Variants in DCP2 observed in about 807,000 individuals in gnomAD.
DCP2 encodes decapping mRNA 2.
In DCP2, 30 loss-of-function variants were observed where a neutral mutation model predicts 56.1. That is an observed-to-expected ratio of 0.53 (90% CI 0.40 to 0.73). The LOEUF is 0.73. Among genes scored for constraint, DCP2 ranks in the 30% least tolerant of loss-of-function variants. The pLI is 0.00. For synonymous variants in DCP2, 197 were observed against 163.3 expected, an observed-to-expected ratio of 1.21 and a Z score of -1.57; for missense variants, 533 against 502.7, an observed-to-expected ratio of 1.06 and a Z score of -0.58.
At chr5:113,011,390 T>C (rs1427455479) in intron 10 of DCP2, among the ~76,000 whole-genome samples, 1 of 152,238 alleles carries the variant, frequency 6.6e-6, no homozygotes, top group Non-Finnish European at 1.5e-5. Context: ...ATTCGGAAAG[T>C]AATCCTGGTG....
rs1027030854 is a variant in DCP2 at position 113,013,800 on chromosome 5, A to T, written c.*316A>T. ...GAAAATAATGTATTGAGTTACTGTC[A>T]AGTAGCCAAGTTAATGGGAATGCTC... On this transcript the variant is annotated 3_prime_UTR_variant, in exon 11 of 11. Transcript: ENST00000389063. 4.7e-6 allele frequency: 1 copy of T among 211,758 alleles called. No homozygotes were observed. Among genetic ancestry groups the T allele is most frequent in the African/African-American group, 2.3e-5 (1 of 43,566 alleles). 13.1% of individuals were successfully genotyped at this position (211,758 alleles called of 1,614,324 possible). A position where few individuals can be genotyped will look rare whatever the true frequency, so the allele number is the denominator to read the frequency against.
rs189537898 is a variant in DCP2, at chr5:113,021,762, G to A, written c.*8278G>A. 6.6e-6 allele frequency among the ~76,000 whole-genome samples: 1 copy of A among 152,244 alleles called. No individual in the cohort carries two copies. Among genetic ancestry groups the A allele is most frequent in the East Asian group, 1.9e-4 (1 of 5,184 alleles). ...ACATTGTAATCTTTCTCTAACAGAT[G>A]TGTTGCAAAGCTGCTTGCCATCTTG... On this transcript the variant is annotated 3_prime_UTR_variant, in exon 11 of 11. Coordinates refer to ENST00000389063, the MANE Select transcript of DCP2 (RefSeq NM_152624.6).
At chr5:112,991,978 C>G (rs566969599) in intron 2 of DCP2, 143 bp from the exon 3 acceptor site, 6 of 1,224,278 alleles carry the variant, frequency 4.9e-6, no homozygotes, top group South Asian at 1.5e-5. Flanking sequence ...GCCATGGTGC[C>G]TGGCCAAAAT....
At chr5:112,988,516 AAATG>A (rs1748418184) in intron 2 of DCP2, among the ~76,000 whole-genome samples, 1 of 151,196 alleles carries the variant, frequency 6.6e-6, no homozygotes. Flanking sequence ...AAAAAAAAAA[AAATG>A]GTATCCAAGA....
At chr5:113,002,687 T>C (rs759564160) in intron 7 of DCP2, among the ~76,000 whole-genome samples, 62 of 152,072 alleles carry the variant, frequency 4.1e-4, no homozygotes, top group Middle Eastern at 6.8e-3. Context: ...GCCTGGCTAA[T>C]TTTTTCTTAT....
intron 3 of DCP2, 71 bp downstream of exon 3, chr5:112,992,319 TGTA>T: frequency 6.5e-7 from 1 of 1,539,044 alleles, no homozygotes; most frequent in Admixed American, 2.1e-5. Flanking sequence ...TTGTTATTGA[TGTA>T]GTGTTTCTAA....
chr5:113,009,170 T>C (rs1561704412), intron 9 of DCP2, among the ~76,000 whole-genome samples: 1 of 152,230 alleles, frequency 6.6e-6, no homozygotes, highest in African/African-American at 2.4e-5. Context: ...GATAATATTG[T>C]GCAAGTGTTA....
In DCP2 at chr5:113,020,459, A is replaced by G. The variant is rs1447722978; in HGVS notation, c.*6975A>G. 6.6e-6 allele frequency: 1 copy of G among 152,242 alleles called. No homozygotes were observed. The highest frequency in any genetic ancestry group is 1.5e-5 in the Non-Finnish European group (1 of 68,042). The allele number at this position is 152,242 out of a possible 1,614,324, so 9.4% of individuals were successfully genotyped here. The stretch of plus-strand genomic sequence containing the variant: ...AAATTGTCAAACATTTACTGATAGC[A>G]GAAAAGGAACCCCAAAACACCTGTA... On this transcript the variant is annotated 3_prime_UTR_variant, in exon 11 of 11. Coordinates refer to ENST00000389063, the MANE Select transcript of DCP2 (RefSeq NM_152624.6).
intron 1 of DCP2, among the ~76,000 whole-genome samples, 155 bp downstream of exon 1, chr5:112,977,141 G>C (rs1163254065): frequency 6.6e-6 from 1 of 152,014 alleles, no homozygotes; most frequent in East Asian, 1.9e-4. Context: ...GCTCTCCGAC[G>C]ACACCGCCCC....
chr5:112,996,026 C>T (rs975456182), intron 4 of DCP2, among the ~76,000 whole-genome samples: 4 of 152,194 alleles, frequency 2.6e-5, no homozygotes, highest in Non-Finnish European at 4.4e-5. Context: ...GGGCCCTGCC[C>T]TTATGGATCT....
At chr5:113,003,083 A>G (rs780962244) in intron 7 of DCP2, among the ~76,000 whole-genome samples, 1 of 152,138 alleles carries the variant, frequency 6.6e-6, no homozygotes, top group Non-Finnish European at 1.5e-5. Context: ...TCCATTTTAG[A>G]TGGATATTCT....
At chr5:113,002,695 T>C (rs1365483480) in intron 7 of DCP2, among the ~76,000 whole-genome samples, 5 of 151,912 alleles carry the variant, frequency 3.3e-5, no homozygotes, top group Admixed American at 2.6e-4. Flanking sequence ...AATTTTTTCT[T>C]ATTTTTTGTA....
At chr5:112,997,890 G>T (rs1477109223) in intron 4 of DCP2, among the ~76,000 whole-genome samples, 1 of 152,090 alleles carries the variant, frequency 6.6e-6, no homozygotes, top group Non-Finnish European at 1.5e-5. Flanking sequence ...TGGGATTACA[G>T]GTGTGAGCCA....
rs1750002824 is a variant in DCP2, at chr5:113,019,001, G to A, written c.*5517G>A. 6.6e-6 allele frequency: 1 copy of A among 152,232 alleles called. No individual in the cohort carries two copies. Among genetic ancestry groups the A allele is most frequent in the South Asian group, 2.1e-4 (1 of 4,832 alleles). 9.4% of individuals were successfully genotyped at this position (152,232 alleles called of 1,614,324 possible). A position where few individuals can be genotyped will look rare whatever the true frequency, so the allele number is the denominator to read the frequency against. On this transcript the variant is annotated 3_prime_UTR_variant, in exon 11 of 11. Coordinates refer to ENST00000389063, the MANE Select transcript of DCP2 (RefSeq NM_152624.6). ...AACAACAGACTTGTGTGTGGTTCTA[G>A]AGTGAAATGGGCAGTGTTCTGCTGG...
At chr5:112,978,179 C>T (rs1747813605) in intron 1 of DCP2, among the ~76,000 whole-genome samples, 1 of 151,996 alleles carries the variant, frequency 6.6e-6, no homozygotes, top group South Asian at 2.1e-4. Flanking sequence ...ATTTCACCAT[C>T]TTGGCCGTGC....
In DCP2 at chr5:113,018,418, T is replaced by A. The variant is rs1749977762; in HGVS notation, c.*4934T>A. On this transcript the variant is annotated 3_prime_UTR_variant, in exon 11 of 11. Coordinates refer to ENST00000389063, the MANE Select transcript of DCP2 (RefSeq NM_152624.6). The stretch of plus-strand genomic sequence containing the variant: ...GCAGAGGAGTATGGTCTAGCTATGT[T>A]AGCAGCTTGAAGGCACAACGTAAAA... The A allele has an allele frequency of 6.6e-6, 1 of 152,254 alleles. No homozygotes were observed. The highest frequency in any genetic ancestry group is 1.5e-5 in the Non-Finnish European group (1 of 68,042). The allele number at this position is 152,254 out of a possible 1,614,324, so 9.4% of individuals were successfully genotyped here. A position where few individuals can be genotyped will look rare whatever the true frequency, so the allele number is the denominator to read the frequency against.
At chr5:113,001,034 A>C in intron 4 of DCP2, 50 bp from the exon 5 acceptor site, 3 of 1,507,796 alleles carry the variant, frequency 2.0e-6, no homozygotes, top group African/African-American at 1.4e-5. Context: ...TTAATGAACT[A>C]GAGGCCTAAG....
chr5:113,003,460 C>T (rs914152811), intron 7 of DCP2, among the ~76,000 whole-genome samples: 2 of 152,006 alleles, frequency 1.3e-5, no homozygotes, highest in Non-Finnish European at 2.9e-5. Flanking sequence ...TCTGTAGTCT[C>T]AGCAACTTGG....
At chr5:112,987,620 C>CTT (rs562254738) in intron 2 of DCP2, among the ~76,000 whole-genome samples, 3,916 of 69,636 alleles carry the variant, frequency 0.056, 288 homozygotes, top group African/African-American at 0.11. Context: ...ACCTAGGTGC[C>CTT]TTTTTTTTTT....
Sources: gnomAD v4.1 joint callset for allele counts (sites outside exome capture counted in the v4.1 genomes callset) on GRCh38, gnomAD v4.1.1 for gene constraint, MANE v1.5 for transcripts, NCBI Gene and HGNC (gene_info 2026-07-23, HGNC 2026-07-21) for gene names.